Variants in FAM184A observed in about 807,000 individuals in gnomAD.
The protein encoded by FAM184A is protein FAM184A.
In FAM184A, 99 loss-of-function variants were observed where a neutral mutation model predicts 143.8. That is an observed-to-expected ratio of 0.69 (90% CI 0.58 to 0.81). The LOEUF (loss-of-function observed/expected upper bound fraction) is 0.81, where lower values mean the gene tolerates loss of function less well. FAM184A is among the 40% of genes least tolerant of loss of function. The pLI, the probability that FAM184A is intolerant of heterozygous loss-of-function variation, is 0.00. For synonymous variants in FAM184A, 427 were observed against 446.4 expected (o/e 0.96, Z 0.55); for missense variants, 1,217 against 1,310.5 (o/e 0.93, Z 1.10).
chr6:119,000,850 T>C (rs1234594464), intron 9 of FAM184A, among the ~76,000 whole-genome samples: 1 of 151,966 alleles, frequency 6.6e-6, no homozygotes, highest in African/African-American at 2.4e-5. Flanking sequence ...TGCTGAATGC[T>C]GCTGGCCTTG....
Position 119,003,027 on chromosome 6 carries a change from C to T in FAM184A, c.1960G>A (p.Glu654Lys). 6.2e-7 allele frequency: 1 copy of T among 1,606,964 alleles called. No homozygotes were observed. The highest frequency in any genetic ancestry group is 8.5e-7 in the Non-Finnish European group (1 of 1,178,102). Residue 654 changes from glutamate (E) to lysine (K), a missense_variant, in exon 9 of 18, where the codon GAA becomes AAA. By Grantham distance (56) the Glu-to-Lys change is moderately conservative. Transcript: ENST00000338891. ...TCTTCATGTTGAAGCCTTAACTCTTCACGAAGTTTAGAACACTCTTGTCTA... is the reference window on the plus strand; with the variant it reads ...TCTTCATGTTGAAGCCTTAACTCTTTACGAAGTTTAGAACACTCTTGTCTA... ...NLRQECSKLREELRLQHEEDK... is the reference protein window; with the variant it reads ...NLRQECSKLRKELRLQHEEDK...
rs117931809 is a variant in FAM184A at position 119,101,285 on chromosome 6, T to A, written c.-202+47793A>T. 2.0e-5 allele frequency among the ~76,000 whole-genome samples: 3 copies of A among 152,046 alleles called. No individual in the cohort carries two copies. The East Asian group carries it at 5.9e-4, about 30-fold the overall frequency. On this transcript the variant is annotated intron_variant, in intron 1 of 16. Coordinates refer to the FAM184A transcript ENST00000352896. ...CGGGGTTTCTCCACGTTGGTCAGAATGGTCTTGAACTCCCAACCTCCGGTG... is the reference window on the plus strand; with the variant it reads ...CGGGGTTTCTCCACGTTGGTCAGAAAGGTCTTGAACTCCCAACCTCCGGTG...
intron 1 of FAM184A, among the ~76,000 whole-genome samples, chr6:119,069,950 C>T (rs540553833): frequency 2.0e-5 from 3 of 151,994 alleles, no homozygotes; most frequent in South Asian, 2.1e-4. Flanking sequence ...TTCCAACTTC[C>T]TCAAACTTTG....
At chr6:119,043,188 A>G (rs1022924814) in intron 1 of FAM184A, among the ~76,000 whole-genome samples, 3 of 152,154 alleles carry the variant, frequency 2.0e-5, no homozygotes, top group Admixed American at 2.0e-4. Context: ...ATTTTCATGA[A>G]CCTATCAGAA....
chr6:119,055,642 G>A, intron 1 of FAM184A, among the ~76,000 whole-genome samples: 1 of 152,144 alleles, frequency 6.6e-6, no homozygotes. Context: ...AATGACTACT[G>A]ATGGTGACCT....
intron 1 of FAM184A, among the ~76,000 whole-genome samples, chr6:119,053,162 C>G (rs552701704): frequency 1.3e-5 from 2 of 152,282 alleles, no homozygotes; most frequent in East Asian, 3.9e-4. Context: ...ATACACTCAG[C>G]AAGGGAAGCT....
chr6:118,984,519 TA>T (rs11326548), intron 9 of FAM184A, among the ~76,000 whole-genome samples: 52,384 of 151,842 alleles, frequency 0.34, 9,986 homozygotes, highest in East Asian at 0.68. Context: ...TGTACCTCTA[TA>T]ATGGTGTTTG....
chr6:119,030,542 A>T (rs1785828601), intron 1 of FAM184A, among the ~76,000 whole-genome samples: 1 of 152,000 alleles, frequency 6.6e-6, no homozygotes, highest in Non-Finnish European at 1.5e-5. Context: ...TTAAATAAAG[A>T]TCATATTATC....
At chr6:119,002,581 G>C (rs117525904) in intron 9 of FAM184A, among the ~76,000 whole-genome samples, 2,191 of 151,982 alleles carry the variant, frequency 0.014, 30 homozygotes, top group Non-Finnish European at 0.021. Context: ...AGTATCTAAG[G>C]ACATGAAAAA....
chr6:119,090,518 A>G (rs1202087578), intron 1 of FAM184A, among the ~76,000 whole-genome samples: 1 of 152,244 alleles, frequency 6.6e-6, no homozygotes, highest in Admixed American at 6.5e-5. Context: ...GAAGTGGCAC[A>G]AGACATCAAA....
At chr6:119,106,059 C>T (rs984715108) in intron 1 of FAM184A, among the ~76,000 whole-genome samples, 21 of 152,114 alleles carry the variant, frequency 1.4e-4, no homozygotes, top group African/African-American at 2.7e-4. Context: ...AATTGTCATT[C>T]GTGAATTGGA....
rs1026035609 is a variant in FAM184A, at chr6:119,077,505, G to A, written c.159+636C>T. Among the ~76,000 whole-genome samples, 6 of 152,260 alleles carry A rather than the reference G, an allele frequency of 3.9e-5. No individual in the cohort carries two copies. The East Asian group carries it at 1.2e-3, about 29-fold the overall frequency. On this transcript the variant is annotated intron_variant, in intron 1 of 17. Coordinates refer to ENST00000338891, the MANE Select transcript of FAM184A (RefSeq NM_024581.6). ...ATTTAGGTACAGTCCTAAACTACAC[G>A]TGGCCGAATGTGAAAGCTAACTGCT... is the stretch of plus-strand genomic sequence containing the variant.
chr6:119,047,024 G>C (rs1017404122), intron 1 of FAM184A, among the ~76,000 whole-genome samples: 1 of 147,580 alleles, frequency 6.8e-6, no homozygotes, highest in South Asian at 2.3e-4. Context: ...CTCAAAAAAC[G>C]CTACAGGAAA....
chr6:119,123,971 G>A (rs1192598950), intron 1 of FAM184A, among the ~76,000 whole-genome samples: 1 of 152,118 alleles, frequency 6.6e-6, no homozygotes, highest in Non-Finnish European at 1.5e-5. Flanking sequence ...CATTTACAAA[G>A]CACACTCCAA....
intron 1 of FAM184A, among the ~76,000 whole-genome samples, chr6:119,058,796 G>A (rs1423174605): frequency 2.0e-5 from 3 of 152,034 alleles, no homozygotes; most frequent in African/African-American, 4.8e-5. Context: ...ACATGGAAGA[G>A]GATTCTCCAA....
At chr6:119,129,517 C>A (rs181999159) in intron 1 of FAM184A, among the ~76,000 whole-genome samples, 1 of 152,238 alleles carries the variant, frequency 6.6e-6, no homozygotes, top group East Asian at 1.9e-4. Flanking sequence ...GTTTCACACT[C>A]GTTAACTGCT....
rs1789533629 is a variant in FAM184A, at chr6:119,131,510, G to A, written c.-202+17568C>T. 2.0e-5 allele frequency among the ~76,000 whole-genome samples: 3 copies of A among 152,148 alleles called. 1 individual carries two copies. The South Asian group carries it at 6.2e-4, about 32-fold the overall frequency. On this transcript the variant is annotated intron_variant, in intron 1 of 16. Coordinates refer to the FAM184A transcript ENST00000352896. ...TATTTATTTATTTATTTTTTGGAGAGGGTCTTGCTCTATTGCCCAGGCTGG... is the reference window on the plus strand; with the variant it reads ...TATTTATTTATTTATTTTTTGGAGAAGGTCTTGCTCTATTGCCCAGGCTGG...
chr6:119,144,282 T>C (rs1342496330), intron 1 of FAM184A, among the ~76,000 whole-genome samples: 2 of 143,594 alleles, frequency 1.4e-5, no homozygotes, highest in Admixed American at 7.3e-5. Flanking sequence ...TGCAGTGAGC[T>C]GAGATAGTGC....
At chr6:119,128,687 G>A (rs1484235105) in intron 1 of FAM184A, among the ~76,000 whole-genome samples, 1 of 152,132 alleles carries the variant, frequency 6.6e-6, no homozygotes, top group East Asian at 1.9e-4. Context: ...GAGGCCCCCA[G>A]TTACAATAAA....
Sources: allele counts gnomAD v4.1 joint callset (sites outside exome capture counted in the v4.1 genomes callset), GRCh38; gene constraint gnomAD v4.1.1; transcripts MANE v1.5; gene names NCBI Gene and HGNC (gene_info 2026-07-23, HGNC 2026-07-21).